UNC5D: variants seen among roughly 807,000 people sequenced by gnomAD.
UNC5D encodes unc-5 netrin receptor D, also known as netrin receptor UNC5D.
UNC5D carries 39 observed loss-of-function variants against 105.4 expected under a neutral mutation model. The ratio of observed to expected loss-of-function variants is 0.37; its 90% confidence interval spans 0.29 to 0.48. The LOEUF (loss-of-function observed/expected upper bound fraction) is 0.48. Ranked by LOEUF, UNC5D falls within the 20% of genes least tolerant of loss-of-function variation. The pLI is 0.98. For missense variants in UNC5D, 991 were observed against 1,202.4 expected (o/e 0.82, Z 2.60); for synonymous variants, 452 against 450.4 (o/e 1.00, Z -0.04).
chr8:35,264,281 CT>C, intron 1 of UNC5D, among the ~76,000 whole-genome samples: 5 of 152,340 alleles, frequency 3.3e-5, no homozygotes, highest in African/African-American at 1.2e-4. Flanking sequence ...CTTCCACAAG[CT>C]TTCAAAGTGG....
intron 2 of UNC5D, among the ~76,000 whole-genome samples, chr8:35,560,795 G>A (rs1485347760): frequency 6.6e-6 from 1 of 152,164 alleles, no homozygotes; most frequent in African/African-American, 2.4e-5. Context: ...GTGTTTGGGA[G>A]CAGTTGTTTT....
At chr8:35,279,193 T>C (rs1805977974) in intron 1 of UNC5D, among the ~76,000 whole-genome samples, 1 of 152,230 alleles carries the variant, frequency 6.6e-6, no homozygotes, top group Non-Finnish European at 1.5e-5. Context: ...AATGCCTGTC[T>C]ACTCAGTTCT....
intron 2 of UNC5D, among the ~76,000 whole-genome samples, chr8:35,560,200 T>C (rs1274806768): frequency 2.0e-5 from 3 of 152,220 alleles, no homozygotes; most frequent in African/African-American, 7.2e-5. Context: ...AATTCTACTC[T>C]TATTTATGAT....
chr8:35,446,575 G>A lies in UNC5D; in HGVS notation c.104-102717G>A, dbSNP rs115486875. ...AAAGCCTAGCAAAATAACTGGGTAT[G>A]GTTTAGTAAATATTTGTTAAATAAA... is the stretch of plus-strand genomic sequence containing the variant. On this transcript the variant is annotated intron_variant, in intron 1 of 16. Coordinates refer to ENST00000404895, the MANE Select transcript of UNC5D (RefSeq NM_080872.4). Among the ~76,000 whole-genome samples the A allele has an allele frequency of 2.5e-3, 374 of 152,098 alleles. 1 individual carries two copies. The highest frequency in any genetic ancestry group is 8.8e-3 in the African/African-American group (365 of 41,526).
rs144993145 is a variant in UNC5D at position 35,478,328 on chromosome 8, T to G, written c.104-70964T>G. Among the ~76,000 whole-genome samples, 201 of 152,282 alleles carry G rather than the reference T, an allele frequency of 1.3e-3. 1 individual carries two copies. Among genetic ancestry groups the G allele is most frequent in the African/African-American group, 4.7e-3 (197 of 41,578 alleles). Reference sequence around the variant, plus strand: ...TTTCAGGTTGGTAACTAAGCAACCTTTAAACTTGATGTCAAAAGTTCCATA... The same window carrying G: ...TTTCAGGTTGGTAACTAAGCAACCTGTAAACTTGATGTCAAAAGTTCCATA... On this transcript the variant is annotated intron_variant, in intron 1 of 16. Coordinates refer to ENST00000404895, the MANE Select transcript of UNC5D (RefSeq NM_080872.4).
At chr8:35,359,558 C>G (rs900075561) in intron 1 of UNC5D, among the ~76,000 whole-genome samples, 1 of 152,160 alleles carries the variant, frequency 6.6e-6, no homozygotes, top group Non-Finnish European at 1.5e-5. Context: ...AGCCTGATTA[C>G]TAAAGTTTCC....
chr8:35,464,283 C>A (rs531889900), intron 1 of UNC5D, among the ~76,000 whole-genome samples: 2 of 151,994 alleles, frequency 1.3e-5, no homozygotes, highest in Admixed American at 1.3e-4. Flanking sequence ...GCCAAGATTG[C>A]GCAACTGCAT....
chr8:35,271,328 CACACGTGCATGTGTGTATGTATATGCAT>C, intron 1 of UNC5D, among the ~76,000 whole-genome samples: 1 of 108,724 alleles, frequency 9.2e-6, no homozygotes, highest in South Asian at 2.7e-4. Context: ...TATATGCATA[CACACGTGCATGTGTGTATGTATATGCAT>C]ACACACGTGC....
intron 1 of UNC5D, among the ~76,000 whole-genome samples, chr8:35,256,911 T>C (rs971695006): frequency 3.3e-5 from 5 of 151,888 alleles, no homozygotes; most frequent in Admixed American, 2.0e-4. Flanking sequence ...AAATACATAC[T>C]GAAATCCATC....
chr8:35,698,506 C>G (rs1826953907), intron 7 of UNC5D, among the ~76,000 whole-genome samples: 1 of 152,076 alleles, frequency 6.6e-6, no homozygotes, highest in Admixed American at 6.6e-5. Context: ...TAAGTGAAAT[C>G]AAACAGTATT....
At chr8:35,262,636 TG>T (rs1804569842) in intron 1 of UNC5D, among the ~76,000 whole-genome samples, 1 of 152,200 alleles carries the variant, frequency 6.6e-6, no homozygotes, top group African/African-American at 2.4e-5. Context: ...AGCTAGTTTC[TG>T]GGATTGAGAA....
At chr8:35,620,477 G>A (rs574922763) in intron 4 of UNC5D, among the ~76,000 whole-genome samples, 3 of 152,070 alleles carry the variant, frequency 2.0e-5, no homozygotes, top group East Asian at 1.9e-4. Context: ...TCACCTCTGC[G>A]ACTCATCATG....
intron 1 of UNC5D, among the ~76,000 whole-genome samples, chr8:35,498,861 T>G (rs1811789619): frequency 1.3e-5 from 2 of 152,102 alleles, no homozygotes; most frequent in African/African-American, 4.8e-5. Context: ...TTTTTATTAC[T>G]TTTATTCCTA....
chr8:35,598,922 C>T (rs1311671503), intron 4 of UNC5D, among the ~76,000 whole-genome samples: 5 of 152,016 alleles, frequency 3.3e-5, no homozygotes, highest in South Asian at 4.1e-4. Flanking sequence ...GCGGGTGGAT[C>T]GCCTGAGGTC....
rs1323545174 is a variant in UNC5D at position 35,783,150 on chromosome 8, G to T, written c.2658-7209G>T. Among the ~76,000 whole-genome samples the T allele has an allele frequency of 2.3e-5, 3 of 130,224 alleles. No homozygotes were observed. The South Asian group carries it at 7.3e-4, about 32-fold the overall frequency. The allele number at this position is 130,224 out of a possible 152,430, so 85.4% of individuals were successfully genotyped here. ...AGAGTGAGACCCTATCTTGGAGAAA[G>T]AAAAAAAAAAAAGAGTCATATGTAA... On this transcript the variant is annotated intron_variant, in intron 16 of 16. Coordinates refer to ENST00000404895, the MANE Select transcript of UNC5D (RefSeq NM_080872.4).
chr8:35,613,302 A>G (rs1159376525), intron 4 of UNC5D, among the ~76,000 whole-genome samples: 4 of 152,162 alleles, frequency 2.6e-5, no homozygotes, highest in Admixed American at 2.6e-4. Context: ...CTCAAACATT[A>G]GGGCTCAGGT....
chr8:35,568,318 A>C (rs1448213062), intron 3 of UNC5D, 77 bp downstream of exon 3: 2 of 1,520,200 alleles, frequency 1.3e-6, no homozygotes, highest in Admixed American at 2.0e-5. Flanking sequence ...GGTTTTACAG[A>C]TGTCAGATGC....
intron 1 of UNC5D, among the ~76,000 whole-genome samples, chr8:35,239,507 T>TA (rs398007480): frequency 6.6e-6 from 1 of 151,634 alleles, no homozygotes; most frequent in Non-Finnish European, 1.5e-5. Context: ...TTTTTTTTTT[T>TA]AATATCTAGG....
At chr8:35,402,662 A>C (rs1184586535) in intron 1 of UNC5D, among the ~76,000 whole-genome samples, 1 of 152,114 alleles carries the variant, frequency 6.6e-6, no homozygotes, top group Non-Finnish European at 1.5e-5. Context: ...TTATGTGATA[A>C]TGGCTTCTCA....
Sources: allele counts gnomAD v4.1 joint callset (sites outside exome capture counted in the v4.1 genomes callset), GRCh38; gene constraint gnomAD v4.1.1; transcripts MANE v1.5; gene names NCBI Gene and HGNC (gene_info 2026-07-23, HGNC 2026-07-21).